MAP2: variants seen among roughly 807,000 people sequenced by gnomAD.
MAP2 encodes the protein microtubule associated protein 2.
In MAP2, 14 loss-of-function variants were observed where a neutral mutation model predicts 137.6. That is an observed-to-expected ratio of 0.10 (90% confidence interval 0.07 to 0.16). The LOEUF (loss-of-function observed/expected upper bound fraction) is 0.16, where lower values mean the gene tolerates loss of function less well. MAP2 is among the 10% of genes least tolerant of loss of function. MAP2 has a pLI of 1.00. For synonymous variants in MAP2, 786 were observed against 782.3 expected (o/e 1.00, Z -0.08); for missense variants, 2,088 against 2,191.5 (o/e 0.95, Z 0.94).
chr2:209,556,042 CTT>C (rs766218011), intron 2 of MAP2, among the ~76,000 whole-genome samples: 2,169 of 108,358 alleles, frequency 0.02, 36 homozygotes, highest in African/African-American at 0.069. Flanking sequence ...TTTTTCTTTT[CTT>C]TTTTTTTTTT....
intron 5 of MAP2, among the ~76,000 whole-genome samples, chr2:209,664,796 C>T (rs894852119): frequency 6.6e-6 from 1 of 151,460 alleles, no homozygotes; most frequent in African/African-American, 2.4e-5. Flanking sequence ...CCCATCTCTA[C>T]TAAAAATACA....
At chr2:209,566,902 C>G (rs191292152) in intron 2 of MAP2, among the ~76,000 whole-genome samples, 44 of 152,126 alleles carry the variant, frequency 2.9e-4, no homozygotes, top group African/African-American at 9.4e-4. Flanking sequence ...TTAAACAGCT[C>G]CAAAATAAAA....
chr2:209,520,836 G>A (rs1176048044), intron 2 of MAP2, among the ~76,000 whole-genome samples: 1 of 151,882 alleles, frequency 6.6e-6, no homozygotes, highest in Non-Finnish European at 1.5e-5. Flanking sequence ...AAATTCTATT[G>A]TGTATTAATT....
chr2:209,695,229 G>A lies in MAP2; in HGVS notation c.3059G>A (p.Ser1020Asn). Reference sequence around the variant, plus strand: ...TCTGAGAAAGCAGAGAAGGGTCTTAGTTCAGTGCCAGAGATAGCTGAGGTA... The same window carrying A: ...TCTGAGAAAGCAGAGAAGGGTCTTAATTCAGTGCCAGAGATAGCTGAGGTA... ...ASSEKAEKGL[S>N]SVPEIAEVEP... The change falls in exon 8 of 16, where the codon AGT (serine) becomes AAT (asparagine). Residue 1020 changes from serine (S) to asparagine (N), a missense_variant. By Grantham distance (46) the Ser-to-Asn change is conservative. This residue lies in a region of MAP2 where 500 missense variants were observed against 482.9 expected (regional missense o/e 1.04). Transcript: ENST00000682079. The A allele has an allele frequency of 3.1e-6, 5 of 1,614,108 alleles. No homozygotes were observed. The South Asian group carries it at 5.5e-5, about 18-fold the overall frequency.
chr2:209,702,283 G>T (rs117894708), intron 11 of MAP2, among the ~76,000 whole-genome samples: 3 of 152,028 alleles, frequency 2.0e-5, no homozygotes, highest in African/African-American at 7.2e-5. Context: ...GTAAATGCCC[G>T]TCTTGTCTTT....
At chr2:209,472,021 G>T (rs962652410) in intron 1 of MAP2, among the ~76,000 whole-genome samples, 11 of 151,966 alleles carry the variant, frequency 7.2e-5, no homozygotes, top group African/African-American at 2.7e-4. Flanking sequence ...TTCCATAAGG[G>T]TTAATATGCT....
intron 1 of MAP2, among the ~76,000 whole-genome samples, chr2:209,495,669 A>G (rs1031914589): frequency 5.9e-5 from 9 of 152,236 alleles, no homozygotes; most frequent in Non-Finnish European, 1.3e-4. Flanking sequence ...GTTTTCTCCT[A>G]GGAATAAAAA....
chr2:209,693,048 G>C lies in MAP2; in HGVS notation c.878G>C (p.Arg293Thr), dbSNP rs1583616439. Residue 293 changes from arginine to threonine, a missense_variant, in exon 8 of 16, where the codon AGG (arginine) becomes ACG (threonine). Coordinates refer to ENST00000682079, the MANE Select transcript of MAP2 (RefSeq NM_001375505.1). ...TCTCCTGGCCCTCTGACTCCCATGA[G>C]GGAAAAAGATGTATTTGATGATATC... ...PISPGPLTPM[R>T]EKDVFDDIPK... The C allele has an allele frequency of 6.2e-7, 1 of 1,612,510 alleles. No homozygotes were observed. Among genetic ancestry groups the C allele is most frequent in the East Asian group, 2.2e-5 (1 of 44,860 alleles).
chr2:209,544,005 G>T (rs13414750), intron 2 of MAP2, among the ~76,000 whole-genome samples: 1 of 152,050 alleles, frequency 6.6e-6, no homozygotes, highest in Admixed American at 6.6e-5. Flanking sequence ...CGAGGTGGGC[G>T]GATCACGAGG....
chr2:209,693,989 G>A lies in MAP2; in HGVS notation c.1819G>A (p.Asp607Asn). 1 of 1,614,014 alleles carries A rather than the reference G, an allele frequency of 6.2e-7. No individual in the cohort carries two copies. ...TAGAGAAAGTGTCCATGAGTCTATT[G>A]ATACCATGTCTCCCATGCATAAAAA... is the stretch of plus-strand genomic sequence containing the variant. ...DTRESVHESI[D>N]TMSPMHKNGD... Residue 607 changes from aspartate to asparagine, a missense_variant, in exon 8 of 16, where the codon GAT becomes AAT. Physicochemically the swap from Asp to Asn is conservative, Grantham distance 23. This residue lies in a region of MAP2 where 859 missense variants were observed against 794.5 expected (regional missense o/e 1.08). Coordinates refer to ENST00000682079, the MANE Select transcript of MAP2 (RefSeq NM_001375505.1).
intron 1 of MAP2, among the ~76,000 whole-genome samples, chr2:209,478,045 C>A (rs1707772969): frequency 6.6e-6 from 1 of 152,058 alleles, no homozygotes; most frequent in Non-Finnish European, 1.5e-5. Context: ...GTAGATTACT[C>A]TTATTCTATT....
intron 2 of MAP2, among the ~76,000 whole-genome samples, chr2:209,550,893 G>A (rs1029473172): frequency 2.0e-5 from 3 of 152,044 alleles, no homozygotes; most frequent in African/African-American, 4.8e-5. Flanking sequence ...ATACTAAATC[G>A]TGTGTATAAC....
intron 2 of MAP2, among the ~76,000 whole-genome samples, chr2:209,514,669 C>A (rs1407749495): frequency 6.6e-6 from 1 of 151,954 alleles, no homozygotes; most frequent in East Asian, 1.9e-4. Context: ...TAATGAATTT[C>A]TTTATTATGT....
intron 1 of MAP2, among the ~76,000 whole-genome samples, chr2:209,471,561 A>G (rs2149714843): frequency 6.6e-6 from 1 of 152,314 alleles, no homozygotes; most frequent in Non-Finnish European, 1.5e-5. Flanking sequence ...TTATTTCAAA[A>G]TTAATTTACT....
Position 209,731,371 on chromosome 2 carries a change from T to C in MAP2, c.*974T>C, listed in dbSNP as rs980338639. ...AAGACAAAAAATTTTAGCATGAAGT[T>C]GCTTTCTGTAACAACTCAAAGCCGT... On this transcript the variant is annotated 3_prime_UTR_variant, in exon 16 of 16. Transcript: ENST00000682079. 2.6e-4 allele frequency: 39 copies of C among 152,570 alleles called. No homozygotes were observed. Among genetic ancestry groups the C allele is most frequent in the Non-Finnish European group, 5.7e-4 (39 of 68,022 alleles). 9.5% of individuals were successfully genotyped at this position (152,570 alleles called of 1,614,324 possible).
At chr2:209,441,617 G>A (rs924851293) in intron 1 of MAP2, among the ~76,000 whole-genome samples, 5 of 151,542 alleles carry the variant, frequency 3.3e-5, no homozygotes, top group South Asian at 2.1e-4. Flanking sequence ...TTTAAACAAT[G>A]CCCAGTGCAA....
At chr2:209,424,820 T>C (rs544078364) in intron 1 of MAP2, among the ~76,000 whole-genome samples, 5 of 152,226 alleles carry the variant, frequency 3.3e-5, no homozygotes, top group African/African-American at 1.2e-4. Flanking sequence ...TGTAGGAAAA[T>C]GAAAAATAAA....
At chr2:209,690,191 C>CT (rs373449231) in intron 7 of MAP2, among the ~76,000 whole-genome samples, 107 of 147,978 alleles carry the variant, frequency 7.2e-4, no homozygotes, top group South Asian at 1.3e-3. Context: ...AATTTAAAGG[C>CT]TTTTTTTTTT....
intron 1 of MAP2, among the ~76,000 whole-genome samples, chr2:209,504,857 G>A (rs1424019800): frequency 1.3e-5 from 2 of 151,792 alleles, no homozygotes; most frequent in East Asian, 1.9e-4. Flanking sequence ...GAACACATAG[G>A]CAGTGTATCC....
Sources: gnomAD v4.1 joint callset for allele counts (sites outside exome capture counted in the v4.1 genomes callset) on GRCh38, gnomAD v4.1.1 for gene constraint, gnomAD v4.1.1 regional missense constraint, MANE v1.5 for transcripts, NCBI Gene and HGNC (gene_info 2026-07-23, HGNC 2026-07-21) for gene names.